Variants in PPP1R12A observed in about 807,000 individuals in gnomAD.
PPP1R12A encodes myosin binding subunit.
A neutral mutation model predicts 139.6 loss-of-function variants in PPP1R12A; 19 were observed. The ratio of observed to expected loss-of-function variants is 0.14; its 90% confidence interval spans 0.09 to 0.20. PPP1R12A has a LOEUF of 0.20. Among genes scored for constraint, PPP1R12A ranks in the 10% least tolerant of loss-of-function variants. PPP1R12A has a pLI of 1.00. For missense variants in PPP1R12A, 925 were observed against 1,211.5 expected (o/e 0.76, Z 3.51); for synonymous variants, 427 against 420.6 (o/e 1.02, Z -0.19).
intron 1 of PPP1R12A, among the ~76,000 whole-genome samples, chr12:79,884,499 T>TC (rs1437455868): frequency 6.6e-6 from 1 of 152,178 alleles, no homozygotes; most frequent in Non-Finnish European, 1.5e-5. Context: ...CAAACTGTTG[T>TC]CCTCAACATT....
At chr12:79,931,021 C>T (rs7296839) in intron 1 of PPP1R12A, among the ~76,000 whole-genome samples, 17,491 of 152,056 alleles carry the variant, frequency 0.12, 1,937 homozygotes, top group African/African-American at 0.29. Context: ...GAAAGATAGA[C>T]CTGTTTTAGG....
At chr12:79,873,699 C>T (rs1882810443) in intron 1 of PPP1R12A, among the ~76,000 whole-genome samples, 1 of 152,000 alleles carries the variant, frequency 6.6e-6, no homozygotes, top group Non-Finnish European at 1.5e-5. Context: ...GCAATTTTCA[C>T]TCATATATGT....
intron 22 of PPP1R12A, among the ~76,000 whole-genome samples, chr12:79,785,654 C>G (rs1002613661): frequency 2.6e-5 from 4 of 152,082 alleles, no homozygotes; most frequent in East Asian, 1.9e-4. Context: ...TTACAGGATG[C>G]CTTAGAGCCT....
chr12:79,841,813 A>G (rs942161364), intron 3 of PPP1R12A, among the ~76,000 whole-genome samples: 2 of 152,184 alleles, frequency 1.3e-5, no homozygotes, highest in African/African-American at 4.8e-5. Context: ...TCAATTCTAG[A>G]AGATCCTATG....
chr12:79,872,755 T>C (rs1882705800), intron 2 of PPP1R12A, 53 bp downstream of exon 2: 3 of 1,562,520 alleles, frequency 1.9e-6, no homozygotes, highest in Non-Finnish European at 1.7e-6. Context: ...TCAATAAACA[T>C]TCAGGTCTGT....
intron 2 of PPP1R12A, among the ~76,000 whole-genome samples, chr12:79,871,612 C>G (rs1047227169): frequency 1.3e-5 from 2 of 152,110 alleles, no homozygotes; most frequent in Admixed American, 1.3e-4. Flanking sequence ...TTGATAGTGA[C>G]TGAGGAGGCA....
rs534154284 is a variant in PPP1R12A at position 79,893,363 on chromosome 12, A to G, written c.238-20425T>C. 2.0e-5 allele frequency among the ~76,000 whole-genome samples: 3 copies of G among 152,154 alleles called. No individual in the cohort carries two copies. In the South Asian group the frequency reaches 6.2e-4, roughly 32 times the overall value. ...TGTCCTAACATACTTTAAAAATTGT[A>G]TAATTATCTACTCGTATGTACTATC... On this transcript the variant is annotated intron_variant, in intron 1 of 24. Coordinates refer to ENST00000450142, the MANE Select transcript of PPP1R12A (RefSeq NM_002480.3).
chr12:79,854,804 T>C (rs1361511608), intron 2 of PPP1R12A, among the ~76,000 whole-genome samples: 2 of 152,152 alleles, frequency 1.3e-5, no homozygotes, highest in East Asian at 1.9e-4. Flanking sequence ...CCCAAGTAAC[T>C]AGGCCTACTG....
intron 2 of PPP1R12A, among the ~76,000 whole-genome samples, chr12:79,870,661 T>A (rs1052111460): frequency 2.0e-5 from 3 of 152,180 alleles, no homozygotes; most frequent in Non-Finnish European, 4.4e-5. Context: ...TAGTCAACCT[T>A]GGCCAAAAAA....
intron 1 of PPP1R12A, among the ~76,000 whole-genome samples, chr12:79,881,667 G>A (rs763548284): frequency 9.9e-5 from 15 of 152,170 alleles, no homozygotes; most frequent in Non-Finnish European, 1.6e-4. Context: ...TGATGAAGGT[G>A]GCTACAACTA....
At chr12:79,890,905 C>CCA (rs1303227049) in intron 1 of PPP1R12A, among the ~76,000 whole-genome samples, 8,825 of 115,326 alleles carry the variant, frequency 0.077, 377 homozygotes, top group Non-Finnish European at 0.088. Flanking sequence ...CCACACCCAC[C>CCA]CACACACACA....
chr12:79,841,888 G>A (rs1878753669), intron 3 of PPP1R12A, among the ~76,000 whole-genome samples: 3 of 152,072 alleles, frequency 2.0e-5, no homozygotes, highest in Non-Finnish European at 2.9e-5. Flanking sequence ...TCAGGCTCCA[G>A]TTTATAACCA....
intron 1 of PPP1R12A, among the ~76,000 whole-genome samples, chr12:79,899,233 A>ATATATATATATATAT (rs1885406375): frequency 7.0e-6 from 1 of 141,922 alleles, no homozygotes; most frequent in African/African-American, 2.6e-5. Flanking sequence ...AGATCTTAAA[A>ATATATATATATATAT]ATATATATAT....
intron 3 of PPP1R12A, among the ~76,000 whole-genome samples, chr12:79,842,599 G>GTA (rs1195993957): frequency 2.0e-5 from 3 of 151,980 alleles, no homozygotes; most frequent in African/African-American, 7.3e-5. Context: ...GTGTGTGTGT[G>GTA]TGTGTGTGTG....
At chr12:79,888,668 A>T (rs1884328779) in intron 1 of PPP1R12A, among the ~76,000 whole-genome samples, 1 of 152,190 alleles carries the variant, frequency 6.6e-6, no homozygotes, top group African/African-American at 2.4e-5. Flanking sequence ...TTACTTACAT[A>T]GCACTTTTAT....
At chr12:79,853,514 T>C (rs1047808413) in intron 2 of PPP1R12A, among the ~76,000 whole-genome samples, 1 of 152,204 alleles carries the variant, frequency 6.6e-6, no homozygotes, top group African/African-American at 2.4e-5. Context: ...AAGACCAAGC[T>C]AACACTTATG....
intron 11 of PPP1R12A, among the ~76,000 whole-genome samples, chr12:79,808,173 G>A (rs1195050243): frequency 6.6e-6 from 1 of 151,440 alleles, no homozygotes; most frequent in Non-Finnish European, 1.5e-5. Flanking sequence ...ATTAAGTAAG[G>A]GCTTTCCTTC....
upstream of PPP1R12A, chr12:79,935,236 G>A: frequency 9.7e-6 from 12 of 1,233,804 alleles, no homozygotes; most frequent in Non-Finnish European, 1.2e-5. Context: ...CGACCAGTGC[G>A]CATGCGCCCT....
In PPP1R12A at chr12:79,807,294, T is replaced by C. The variant is rs377758467; in HGVS notation, c.1587A>G (p.Thr529=). The C allele has an allele frequency of 2.9e-5, 45 of 1,556,332 alleles. No individual in the cohort carries two copies. Among genetic ancestry groups the C allele is most frequent in the African/African-American group, 6.8e-5 (5 of 73,720 alleles). The change falls in exon 12 of 25, where the codon ACA becomes ACG. Residue 529 remains threonine, a synonymous_variant. Coordinates refer to ENST00000450142, the MANE Select transcript of PPP1R12A (RefSeq NM_002480.3). ...TAAGATCATCTTCCCATTTTCTCCT[T>C]GTATATGAACTACTTGTTCGCAAAC... is the stretch of plus-strand genomic sequence containing the variant. ...SSSLRTSSSY[T]RRKWEDDLKK...
Sources: allele counts gnomAD v4.1 joint callset (sites outside exome capture counted in the v4.1 genomes callset), GRCh38; gene constraint gnomAD v4.1.1; transcripts MANE v1.5; gene names NCBI Gene and HGNC (gene_info 2026-07-23, HGNC 2026-07-21).